Variants in CHMP3 observed in about 807,000 individuals in gnomAD.
CHMP3 encodes charged multivesicular body protein 3, also known as 25.1 protein.
In CHMP3, 8 loss-of-function variants were observed where a neutral mutation model predicts 27.4. The observed-to-expected ratio is 0.29, with a 90% CI of 0.17 to 0.53. CHMP3 has a LOEUF of 0.53. Ranked by LOEUF, CHMP3 falls within the 20% of genes least tolerant of loss-of-function variation. The pLI, the probability that CHMP3 is intolerant of heterozygous loss-of-function variation, is 0.96. For missense variants in CHMP3, 208 were observed against 271.5 expected (o/e 0.77, Z 1.64); for synonymous variants, 86 against 85.5 (o/e 1.01, Z -0.03).
At chr2:86,560,532 G>A (rs1422166322) in intron 1 of CHMP3, among the ~76,000 whole-genome samples, 1 of 151,936 alleles carries the variant, frequency 6.6e-6, no homozygotes, top group East Asian at 1.9e-4. Context: ...ACACAGGGAG[G>A]GGATCATCAC....
rs562883071 is a variant in CHMP3 at position 86,510,579 on chromosome 2, G to A, written c.287-100C>T. 4.0e-6 allele frequency: 6 copies of A among 1,505,186 alleles called. No individual in the cohort carries two copies. In the Admixed American group the frequency reaches 9.8e-5, roughly 25 times the overall value. 93.2% of individuals were successfully genotyped at this position (1,505,186 alleles called of 1,614,324 possible). ...CCAATAAATGACAGCAGTAGCAGAT[G>A]GACTCCCGAAGTTATTTGTGTGCCT... On this transcript the variant is annotated intron_variant, in intron 3 of 5. Transcript: ENST00000263856.
intron 1 of CHMP3, among the ~76,000 whole-genome samples, chr2:86,555,021 A>AT (rs1677065224): frequency 6.6e-6 from 1 of 151,480 alleles, no homozygotes. Context: ...TAATTTTTGT[A>AT]TTTTTTAGTA....
intron 1 of CHMP3, among the ~76,000 whole-genome samples, chr2:86,558,447 C>T (rs972675809): frequency 2.0e-5 from 3 of 152,164 alleles, no homozygotes; most frequent in African/African-American, 7.2e-5. Context: ...GACCTTAAAC[C>T]CTACTAAACC....
At chr2:86,551,791 T>C (rs1453471821) in intron 1 of CHMP3, among the ~76,000 whole-genome samples, 2 of 152,214 alleles carry the variant, frequency 1.3e-5, no homozygotes, top group African/African-American at 4.8e-5. Context: ...GTTTAGCTCT[T>C]TTAGTTATTT....
intron 5 of CHMP3, chr2:86,507,275 A>G (rs1241505625): frequency 1.9e-6 from 1 of 524,626 alleles, no homozygotes. Flanking sequence ...AAATCATGCA[A>G]ACTCTAAAAA....
chr2:86,546,933 T>G (rs1676632589), intron 1 of CHMP3, among the ~76,000 whole-genome samples: 1 of 152,250 alleles, frequency 6.6e-6, no homozygotes, highest in African/African-American at 2.4e-5. Context: ...CAAGAAAGTC[T>G]TCTTTCTCAA....
Position 86,542,324 on chromosome 2 carries a change from T to C in CHMP3, c.46-12A>G. On this transcript the variant is annotated splice_polypyrimidine_tract_variant and intron_variant, in intron 1 of 5. Transcript: ENST00000263856. Reference sequence around the variant, plus strand: ...GACCACTCATTGACCTGGGAAAATTTTTAGAAAAGGAATGAGGAGAAAAGC... The same window carrying C: ...GACCACTCATTGACCTGGGAAAATTCTTAGAAAAGGAATGAGGAGAAAAGC... The C allele has an allele frequency of 6.2e-7, 1 of 1,613,006 alleles. No individual in the cohort carries two copies. The highest frequency in any genetic ancestry group is 8.5e-7 in the Non-Finnish European group (1 of 1,179,362).
chr2:86,523,495 T>G (rs1052846950), intron 3 of CHMP3, among the ~76,000 whole-genome samples: 10 of 152,224 alleles, frequency 6.6e-5, no homozygotes, highest in Admixed American at 6.5e-4. Context: ...GCGCCTGTAA[T>G]ATTCACGATT....
chr2:86,550,379 GGAGAGGGA>G (rs920960514), intron 1 of CHMP3, among the ~76,000 whole-genome samples: 7 of 150,906 alleles, frequency 4.6e-5, no homozygotes, highest in South Asian at 2.1e-4. Context: ...GAGACGGAGA[GGAGAGGGA>G]GAGAGGGAGA....
At chr2:86,507,206 G>T (rs1235715637) in intron 5 of CHMP3, 1 of 279,568 alleles carries the variant, frequency 3.6e-6, no homozygotes, top group East Asian at 8.6e-5. Context: ...TTGCTTTCAA[G>T]AAAGTCTACA....
intron 4 of CHMP3, 83 bp from the exon 5 acceptor site, chr2:86,507,676 T>G: frequency 2.6e-5 from 30 of 1,147,748 alleles, no homozygotes; most frequent in Non-Finnish European, 3.4e-5. Flanking sequence ...GACCGAGCTC[T>G]AGCCTAAGTC....
chr2:86,517,084 G>C (rs1675335778), intron 3 of CHMP3, among the ~76,000 whole-genome samples: 1 of 152,022 alleles, frequency 6.6e-6, no homozygotes, highest in Non-Finnish European at 1.5e-5. Flanking sequence ...ACATGTATGT[G>C]AGTCTACTAT....
intron 2 of CHMP3, among the ~76,000 whole-genome samples, chr2:86,533,164 TTTC>T (rs1573269296): frequency 1.3e-5 from 2 of 152,208 alleles, no homozygotes; most frequent in African/African-American, 4.8e-5. Context: ...AAGTTTCATG[TTTC>T]TAGTAATTTG....
At chr2:86,552,132 A>C (rs556022433) in intron 1 of CHMP3, among the ~76,000 whole-genome samples, 2 of 152,344 alleles carry the variant, frequency 1.3e-5, no homozygotes. Flanking sequence ...CCCACTGACC[A>C]AATGTATAAG....
At chr2:86,538,815 A>G (rs1163078006) in intron 2 of CHMP3, among the ~76,000 whole-genome samples, 1 of 152,166 alleles carries the variant, frequency 6.6e-6, no homozygotes, top group Non-Finnish European at 1.5e-5. Flanking sequence ...AACTCCCTAT[A>G]GTTATATTTT....
At chr2:86,524,354 C>T (rs1328875609) in intron 3 of CHMP3, among the ~76,000 whole-genome samples, 2 of 152,148 alleles carry the variant, frequency 1.3e-5, no homozygotes, top group East Asian at 3.8e-4. Context: ...AGTTGGTCCT[C>T]CATATCTGTG....
chr2:86,508,906 A>C (rs539139894), intron 4 of CHMP3, among the ~76,000 whole-genome samples: 1 of 152,330 alleles, frequency 6.6e-6, no homozygotes, highest in East Asian at 1.9e-4. Context: ...ATGCTTGCTA[A>C]TTGGTTAAAA....
chr2:86,508,379 A>G (rs923966394), intron 4 of CHMP3, among the ~76,000 whole-genome samples: 3 of 152,078 alleles, frequency 2.0e-5, no homozygotes, highest in Admixed American at 6.5e-5. Flanking sequence ...ACTCCCAGAT[A>G]GGGCCCTACT....
chr2:86,504,369 A>G lies in CHMP3; in HGVS notation c.*1435T>C, dbSNP rs1302248509. ...TGTGAGGGCAGGGGATATATGAGAA[A>G]TTTCTTTTTGTCCACTTTTGCTGTG... On this transcript the variant is annotated 3_prime_UTR_variant, in exon 6 of 6. Transcript: ENST00000263856. 1 of 152,072 alleles carries G rather than the reference A, an allele frequency of 6.6e-6. No homozygotes were observed. Among genetic ancestry groups the G allele is most frequent in the Non-Finnish European group, 1.5e-5 (1 of 68,010 alleles). 9.4% of individuals were successfully genotyped at this position (152,072 alleles called of 1,614,324 possible). A position where few individuals can be genotyped will look rare whatever the true frequency, so the allele number is the denominator to read the frequency against.
Sources: gnomAD v4.1 joint callset for allele counts (sites outside exome capture counted in the v4.1 genomes callset) on GRCh38, gnomAD v4.1.1 for gene constraint, MANE v1.5 for transcripts, NCBI Gene and HGNC (gene_info 2026-07-23, HGNC 2026-07-21) for gene names.